GFRA1: variants seen among roughly 807,000 people sequenced by gnomAD.
GFRA1 encodes the protein GDNF family receptor alpha 1, also known as GDNF family receptor alpha-1.
In GFRA1, 16 loss-of-function variants were observed where a neutral mutation model predicts 51.6. The ratio of observed to expected loss-of-function variants is 0.31; its 90% CI spans 0.21 to 0.47. GFRA1 has a LOEUF of 0.47. Ranked by LOEUF, GFRA1 falls within the 20% of genes least tolerant of loss-of-function variation. The probability of loss-of-function intolerance (pLI) is 1.00; values close to 1 mark genes in which losing one functional copy is unlikely to be tolerated. For missense variants in GFRA1, 530 were observed against 594.3 expected (o/e 0.89, Z 1.13); for synonymous variants, 270 against 241.3 (o/e 1.12, Z -1.10).
chr10:116,153,269 AGAAT>A (rs1959129509), intron 5 of GFRA1, among the ~76,000 whole-genome samples: 1 of 152,252 alleles, frequency 6.6e-6, no homozygotes, highest in African/African-American at 2.4e-5. Flanking sequence ...TGATAAACAA[AGAAT>A]GAAGCATTTC....
At chr10:116,250,858 T>C (rs528284836) in intron 4 of GFRA1, among the ~76,000 whole-genome samples, 1 of 152,182 alleles carries the variant, frequency 6.6e-6, no homozygotes, top group African/African-American at 2.4e-5. Context: ...AGATAATCAC[T>C]GGTAAAAAGG....
At chr10:116,200,920 C>G (rs73372456) in intron 5 of GFRA1, among the ~76,000 whole-genome samples, 31,648 of 152,114 alleles carry the variant, frequency 0.21, 3,369 homozygotes, top group South Asian at 0.27. Flanking sequence ...CATTGACATG[C>G]CTGGCACACA....
chr10:116,065,474 CCTT>C, intron 10 of GFRA1, 96 bp downstream of exon 10: 1 of 948,680 alleles, frequency 1.1e-6, no homozygotes, highest in South Asian at 1.4e-5. Flanking sequence ...GGACTGGATA[CCTT>C]CTTGTCTTTG....
At chr10:116,225,762 T>A (rs1034604283) in intron 4 of GFRA1, among the ~76,000 whole-genome samples, 7 of 151,798 alleles carry the variant, frequency 4.6e-5, no homozygotes, top group African/African-American at 1.7e-4. Context: ...GCTAATTTTA[T>A]ATTTTTAGTA....
intron 4 of GFRA1, among the ~76,000 whole-genome samples, chr10:116,230,733 CA>C (rs1966627852): frequency 6.6e-6 from 1 of 152,090 alleles, no homozygotes; most frequent in Non-Finnish European, 1.5e-5. Flanking sequence ...CACACACACA[CA>C]CACACACACA....
intron 5 of GFRA1, among the ~76,000 whole-genome samples, chr10:116,210,480 C>CGATA (rs1965107619): frequency 6.6e-6 from 1 of 152,172 alleles, no homozygotes; most frequent in South Asian, 2.1e-4. Flanking sequence ...CGAACAGTCA[C>CGATA]GATACCTTTT....
intron 6 of GFRA1, among the ~76,000 whole-genome samples, chr10:116,111,046 G>A (rs536199476): frequency 4.6e-5 from 7 of 152,274 alleles, no homozygotes; most frequent in South Asian, 4.1e-4. Flanking sequence ...TCCATCCCAC[G>A]TTCCCTCCTG....
chr10:116,243,870 T>C (rs1368533985), intron 4 of GFRA1, among the ~76,000 whole-genome samples: 2 of 152,024 alleles, frequency 1.3e-5, no homozygotes, highest in African/African-American at 4.8e-5. Flanking sequence ...AGGCTCAGAG[T>C]ATCTCTGCTC....
At chr10:116,073,467 G>A (rs1955490522) in intron 9 of GFRA1, among the ~76,000 whole-genome samples, 1 of 152,190 alleles carries the variant, frequency 6.6e-6, no homozygotes, top group Non-Finnish European at 1.5e-5. Context: ...ATTATGAGCT[G>A]TATTTTAGAA....
At chr10:116,153,785 T>C (rs1959147319) in intron 5 of GFRA1, among the ~76,000 whole-genome samples, 1 of 152,178 alleles carries the variant, frequency 6.6e-6, no homozygotes, top group Admixed American at 6.5e-5. Flanking sequence ...AATGATACCA[T>C]TTGAAAAGTG....
intron 5 of GFRA1, among the ~76,000 whole-genome samples, chr10:116,162,420 G>A (rs1299450488): frequency 2.0e-5 from 3 of 152,124 alleles, no homozygotes; most frequent in South Asian, 2.1e-4. Context: ...GGGCCTCCCC[G>A]ACCACCTCTC....
intron 4 of GFRA1, among the ~76,000 whole-genome samples, chr10:116,268,973 T>A (rs960440860): frequency 1.3e-5 from 2 of 152,118 alleles, no homozygotes; most frequent in Non-Finnish European, 2.9e-5. Context: ...ACACACTTGC[T>A]CAGGAAAAAA....
rs1365392119 is a variant in GFRA1, at chr10:116,088,563, C to T, written c.1197+1178G>A. 3.3e-5 allele frequency among the ~76,000 whole-genome samples: 5 copies of T among 152,190 alleles called. No individual in the cohort carries two copies. In the East Asian group the frequency reaches 5.8e-4, roughly 18 times the overall value. On this transcript the variant is annotated intron_variant, in intron 9 of 10. Transcript: ENST00000355422. The stretch of plus-strand genomic sequence containing the variant: ...CCGTGTCCTCAAACGAAAGAAGCTA[C>T]GATACTATAGTGACAGCATCTCTCC...
chr10:116,061,087 A>T lies in GFRA1; in HGVS notation c.*3311T>A, dbSNP rs1409210628. On this transcript the variant is annotated 3_prime_UTR_variant, in exon 11 of 11. Transcript: ENST00000355422. ...AGAAGGCAAGAGGGAGACGGGCGGC[A>T]GCTAGAAGCGGCCCATCCTCAGAGT... The T allele has an allele frequency of 6.6e-6, 1 of 152,152 alleles. No homozygotes were observed. Among genetic ancestry groups the T allele is most frequent in the East Asian group, 1.9e-4 (1 of 5,166 alleles). The allele number at this position is 152,152 out of a possible 1,614,324, so 9.4% of individuals were successfully genotyped here. A position where few individuals can be genotyped will look rare whatever the true frequency, so the allele number is the denominator to read the frequency against.
intron 5 of GFRA1, among the ~76,000 whole-genome samples, chr10:116,128,687 C>T (rs1415152462): frequency 7.1e-6 from 1 of 140,954 alleles, no homozygotes; most frequent in Non-Finnish European, 1.5e-5. Context: ...GACTGCGCCA[C>T]TGCACTCCAG....
intron 5 of GFRA1, among the ~76,000 whole-genome samples, chr10:116,164,419 T>A (rs529401157): frequency 2.0e-5 from 3 of 152,304 alleles, no homozygotes; most frequent in African/African-American, 7.2e-5. Flanking sequence ...TCTTTTGTGC[T>A]CTTGGTCTTG....
intron 5 of GFRA1, among the ~76,000 whole-genome samples, chr10:116,188,646 G>A (rs915042495): frequency 6.6e-6 from 1 of 152,148 alleles, no homozygotes; most frequent in East Asian, 1.9e-4. Flanking sequence ...GCTCACACCT[G>A]TAATCCCAAC....
intron 5 of GFRA1, among the ~76,000 whole-genome samples, chr10:116,192,583 T>A (rs1963368649): frequency 6.6e-6 from 1 of 152,168 alleles, no homozygotes; most frequent in Admixed American, 6.5e-5. Flanking sequence ...AACTGTAGAC[T>A]CTGAGAATTG....
chr10:116,272,356 C>G lies in GFRA1; in HGVS notation c.-246-81G>C. On this transcript the variant is annotated intron_variant, in intron 1 of 10. Coordinates refer to ENST00000355422, the MANE Select transcript of GFRA1 (RefSeq NM_005264.8). This position sits in a 1 kb window ranked among gnomAD's most constrained non-coding sequence, Gnocchi z 4.4. ...ACAGAACCCTCTCCCCTCCCCCGTT[C>G]CCGCCTTTGGGGAATTTCCAACACC... is the stretch of plus-strand genomic sequence containing the variant. 2.2e-6 allele frequency: 1 copy of G among 453,110 alleles called. No individual in the cohort carries two copies. The highest frequency in any genetic ancestry group is 2.4e-5 in the South Asian group (1 of 42,278). 28.1% of individuals were successfully genotyped at this position (453,110 alleles called of 1,614,324 possible). A position where few individuals can be genotyped will look rare whatever the true frequency, so the allele number is the denominator to read the frequency against.
Sources: allele counts gnomAD v4.1 joint callset (sites outside exome capture counted in the v4.1 genomes callset), GRCh38; gene constraint gnomAD v4.1.1; non-coding constraint Gnocchi (gnomAD v3.1); transcripts MANE v1.5; gene names NCBI Gene and HGNC (gene_info 2026-07-23, HGNC 2026-07-21).